CFAP54: variants seen among roughly 807,000 people sequenced by gnomAD.
The protein encoded by CFAP54 is cilia and flagella associated protein 54, also known as cilia- and flagella-associated protein 54.
In CFAP54, 290 loss-of-function variants were observed where a neutral mutation model predicts 370.4. That is an observed-to-expected ratio of 0.78 (90% CI 0.71 to 0.86). The LOEUF is 0.86. Among genes scored for constraint, CFAP54 ranks in the 40% least tolerant of loss-of-function variants. The pLI is 0.00. For missense variants in CFAP54, 3,399 were observed against 3,528.7 expected (o/e 0.96, Z 0.93); for synonymous variants, 1,206 against 1,236.5 (o/e 0.98, Z 0.52).
intron 19 of CFAP54, among the ~76,000 whole-genome samples, chr12:96,569,524 C>T (rs1478235831): frequency 2.0e-5 from 3 of 152,182 alleles, no homozygotes; most frequent in Non-Finnish European, 4.4e-5. Flanking sequence ...ACCCTCCTTC[C>T]TCTCTGGGGC....
intron 66 of CFAP54, among the ~76,000 whole-genome samples, chr12:96,836,300 A>G (rs1227929597): frequency 6.6e-6 from 1 of 152,186 alleles, no homozygotes; most frequent in Non-Finnish European, 1.5e-5. Context: ...ATGGGTGAGG[A>G]AGCTGATCCA....
rs1462819956 is a variant in CFAP54, at chr12:96,650,585, A to G, written c.4872+513A>G. Among the ~76,000 whole-genome samples the G allele has an allele frequency of 2.0e-5, 3 of 152,122 alleles. No individual in the cohort carries two copies. The East Asian group carries it at 5.8e-4, about 29-fold the overall frequency. On this transcript the variant is annotated intron_variant, in intron 35 of 67. Coordinates refer to ENST00000524981, the MANE Select transcript of CFAP54 (RefSeq NM_001306084.2). ...CTTTTCTTTCTTTTTCTTCTTAAAT[A>G]TTATATGAGACATGATTAAACCCAG... is the stretch of plus-strand genomic sequence containing the variant.
At chr12:96,743,661 TA>T in intron 53 of CFAP54, 69 bp from the exon 54 acceptor site, 1 of 1,560,176 alleles carries the variant, frequency 6.4e-7, no homozygotes, top group East Asian at 2.3e-5. Flanking sequence ...GCATAACAAT[TA>T]ACATGTCCAG....
At chr12:96,678,014 A>C (rs1957230344) in intron 39 of CFAP54, among the ~76,000 whole-genome samples, 1 of 152,146 alleles carries the variant, frequency 6.6e-6, no homozygotes, top group Non-Finnish European at 1.5e-5. Context: ...AATCTGGGTC[A>C]TTGTCTGTTA....
rs939308448 is a variant in CFAP54, at chr12:96,720,584, A to C, written c.6965+19A>C. The C allele has an allele frequency of 6.9e-7, 1 of 1,455,102 alleles. No homozygotes were observed. The highest frequency in any genetic ancestry group is 1.4e-5 in the African/African-American group (1 of 69,734). The allele number at this position is 1,455,102 out of a possible 1,614,324, so 90.1% of individuals were successfully genotyped here. A position where few individuals can be genotyped will look rare whatever the true frequency, so the allele number is the denominator to read the frequency against. On this transcript the variant is annotated intron_variant, in intron 50 of 67. Coordinates refer to ENST00000524981, the MANE Select transcript of CFAP54 (RefSeq NM_001306084.2). ...CATACAGGTGCGTCTCTCCATGCAC[A>C]GGGGAGGGATACCTTTGAAGAGAGT...
chr12:96,651,894 G>GTT (rs11314540), intron 36 of CFAP54, 79 bp downstream of exon 36: 38,594 of 685,852 alleles, frequency 0.056, 439 homozygotes, highest in South Asian at 0.063. Context: ...AGTAGAAACT[G>GTT]TTTTTTTTTT....
At chr12:96,687,367 G>A (rs1391777274) in intron 42 of CFAP54, among the ~76,000 whole-genome samples, 1 of 152,184 alleles carries the variant, frequency 6.6e-6, no homozygotes, top group Admixed American at 6.5e-5. Flanking sequence ...ACATGTGAAT[G>A]TCTTCAAGAA....
intron 66 of CFAP54, among the ~76,000 whole-genome samples, chr12:96,854,666 G>A (rs1364036946): frequency 6.6e-6 from 1 of 152,148 alleles, no homozygotes; most frequent in East Asian, 1.9e-4. Flanking sequence ...CATTTAAAAG[G>A]ATGTGTTCAA....
chr12:96,566,979 A>T (rs1955870293), intron 19 of CFAP54, among the ~76,000 whole-genome samples: 1 of 152,198 alleles, frequency 6.6e-6, no homozygotes, highest in African/African-American at 2.4e-5. Context: ...ATATGCTTTA[A>T]TTGCAAGAGG....
At chr12:96,868,019 A>G (rs763903727) in intron 67 of CFAP54, among the ~76,000 whole-genome samples, 9 of 152,192 alleles carry the variant, frequency 5.9e-5, no homozygotes, top group Non-Finnish European at 7.3e-5. Flanking sequence ...CATGATAAAT[A>G]TATACAATTT....
chr12:96,712,329 GAA>G lies in CFAP54; in HGVS notation c.6724+3528_6724+3529del, dbSNP rs370285513. ...ATCTATCATTTCCTCACTGAAATAA[GAA>G]ATTCATTATATAATAAATTCTCATA... On this transcript the variant is annotated intron_variant, in intron 48 of 67. Coordinates refer to ENST00000524981, the MANE Select transcript of CFAP54 (RefSeq NM_001306084.2). Among the ~76,000 whole-genome samples, 699 of 152,102 alleles carry G rather than the reference GAA, an allele frequency of 4.6e-3. 3 individuals carry two copies. Among genetic ancestry groups the G allele is most frequent in the African/African-American group, 0.016 (672 of 41,510 alleles).
intron 66 of CFAP54, 78 bp downstream of exon 66, chr12:96,829,166 C>T: frequency 3.7e-6 from 3 of 810,588 alleles, no homozygotes; most frequent in East Asian, 2.8e-5. Context: ...TAGAAAACAT[C>T]TAATTGTAAG....
At chr12:96,555,751 A>G (rs1382648729) in intron 17 of CFAP54, among the ~76,000 whole-genome samples, 1 of 151,846 alleles carries the variant, frequency 6.6e-6, no homozygotes, top group Admixed American at 6.6e-5. Context: ...AAAGAACTAT[A>G]TAAATGAAGG....
intron 33 of CFAP54, 68 bp from the exon 34 acceptor site, chr12:96,647,807 T>C (rs1449882841): frequency 1.5e-6 from 2 of 1,328,744 alleles, no homozygotes; most frequent in Non-Finnish European, 2.0e-6. Context: ...TAAAAATAGA[T>C]TGCATTTGAC....
chr12:96,635,598 G>T (rs1956655383), intron 32 of CFAP54, among the ~76,000 whole-genome samples: 1 of 152,104 alleles, frequency 6.6e-6, no homozygotes, highest in African/African-American at 2.4e-5. Flanking sequence ...ACAGTTAGCA[G>T]CACATCCCAC....
Position 96,657,943 on chromosome 12 carries a change from A to T in CFAP54, c.5162A>T (p.Asn1721Ile), listed in dbSNP as rs748816075. 2 of 1,613,826 alleles carry T rather than the reference A, an allele frequency of 1.2e-6. No homozygotes were observed. Among genetic ancestry groups the T allele is most frequent in the Non-Finnish European group, 1.7e-6 (2 of 1,179,922 alleles). Residue 1721 changes from asparagine (N) to isoleucine (I), a missense_variant, in exon 37 of 68, where the codon AAC becomes ATC. Physicochemically the swap from Asn to Ile is moderately radical, Grantham distance 149. This residue lies in a region of CFAP54 where 2,796 missense variants were observed against 2,869.7 expected (regional missense o/e 0.97). Coordinates refer to ENST00000524981, the MANE Select transcript of CFAP54 (RefSeq NM_001306084.2). Reference sequence around the variant, plus strand: ...TGTTATGGGAATATTAAAAATGACAACGGTGGTTCTAGTCTTACCTTTGAG... The same window carrying T: ...TGTTATGGGAATATTAAAAATGACATCGGTGGTTCTAGTCTTACCTTTGAG... Reference protein sequence around the residue: ...PSCYGNIKNDNGGSSLTFEHP... With the variant: ...PSCYGNIKNDIGGSSLTFEHP...
chr12:96,793,800 C>A (rs1419897229), intron 63 of CFAP54, among the ~76,000 whole-genome samples: 10 of 152,144 alleles, frequency 6.6e-5, no homozygotes, highest in Non-Finnish European at 1.2e-4. Context: ...TTGTATTTTC[C>A]TGATCATTAG....
At chr12:96,564,924 G>A (rs12314461) in intron 19 of CFAP54, 159 bp downstream of exon 19, 46,840 of 378,720 alleles carry the variant, frequency 0.12, 3,088 homozygotes, top group Middle Eastern at 0.16. Context: ...GAACTAATTC[G>A]TACCTCCAGT....
At chr12:96,621,546 A>G in intron 26 of CFAP54, 44 bp from the exon 27 acceptor site, 1 of 1,316,648 alleles carries the variant, frequency 7.6e-7, no homozygotes, top group Non-Finnish European at 1.0e-6. Flanking sequence ...TTGAAAATAG[A>G]CAAGAATGTC....
Sources: gnomAD v4.1 joint callset for allele counts (sites outside exome capture counted in the v4.1 genomes callset) on GRCh38, gnomAD v4.1.1 for gene constraint, gnomAD v4.1.1 regional missense constraint, MANE v1.5 for transcripts, NCBI Gene and HGNC (gene_info 2026-07-23, HGNC 2026-07-21) for gene names.